Variants in SDK1 observed in about 807,000 individuals in gnomAD.
The protein encoded by SDK1 is sidekick cell adhesion molecule 1.
A neutral mutation model predicts 245.5 loss-of-function variants in SDK1; 157 were observed. The observed-to-expected ratio is 0.64, with a 90% confidence interval of 0.56 to 0.73. The LOEUF is 0.73. Among genes scored for constraint, SDK1 ranks in the 30% least tolerant of loss-of-function variants. The pLI is 0.00. For missense variants in SDK1, 3,583 were observed against 3,002.3 expected (o/e 1.19, Z -4.52); for synonymous variants, 1,647 against 1,278.5 (o/e 1.29, Z -6.15).
intron 5 of SDK1, among the ~76,000 whole-genome samples, chr7:3,891,165 G>T (rs1195131775): frequency 6.6e-6 from 1 of 152,164 alleles, no homozygotes; most frequent in Admixed American, 6.5e-5. Flanking sequence ...GAAAGAGGAT[G>T]GGGGAGGCCC....
At chr7:3,349,529 G>A (rs4722713) in intron 1 of SDK1, among the ~76,000 whole-genome samples, 58,377 of 152,004 alleles carry the variant, frequency 0.38, 11,449 homozygotes, top group African/African-American at 0.46. Flanking sequence ...GAGGGCAGAG[G>A]ACTAAGAAGC....
intron 44 of SDK1, among the ~76,000 whole-genome samples, chr7:4,256,889 C>A (rs1300679554): frequency 6.6e-6 from 1 of 152,218 alleles, no homozygotes; most frequent in Non-Finnish European, 1.5e-5. Flanking sequence ...AAACCACTCT[C>A]AGAACTATTG....
intron 4 of SDK1, among the ~76,000 whole-genome samples, chr7:3,664,609 G>A (rs753043921): frequency 2.6e-5 from 4 of 151,770 alleles, no homozygotes; most frequent in Non-Finnish European, 5.9e-5. Context: ...GCATGGTGGC[G>A]GGCATCTGTA....
chr7:3,425,849 C>T (rs944279850), intron 1 of SDK1, among the ~76,000 whole-genome samples: 1 of 152,180 alleles, frequency 6.6e-6, no homozygotes, highest in South Asian at 2.1e-4. Context: ...GAGACTTTCC[C>T]TCAGCAAGAT....
intron 5 of SDK1, among the ~76,000 whole-genome samples, chr7:3,896,395 C>T (rs982698336): frequency 2.6e-5 from 4 of 152,216 alleles, no homozygotes; most frequent in African/African-American, 7.2e-5. Flanking sequence ...ATGTTGCCTC[C>T]TCCTGTTATT....
intron 4 of SDK1, among the ~76,000 whole-genome samples, chr7:3,660,113 A>G (rs1490691855): frequency 2.0e-5 from 3 of 152,180 alleles, no homozygotes; most frequent in African/African-American, 4.8e-5. Context: ...ATTTGTATGT[A>G]GGTGATATTT....
intron 5 of SDK1, among the ~76,000 whole-genome samples, chr7:3,909,570 G>T (rs1779082970): frequency 6.6e-6 from 1 of 152,216 alleles, no homozygotes; most frequent in South Asian, 2.1e-4. Flanking sequence ...GACGGTGTTA[G>T]TGACCCCACC....
At chr7:3,326,507 G>C (rs576437836) in intron 1 of SDK1, among the ~76,000 whole-genome samples, 1 of 152,192 alleles carries the variant, frequency 6.6e-6, no homozygotes, top group African/African-American at 2.4e-5. Flanking sequence ...AATTCTGTTA[G>C]TTTAGGGTAA....
At chr7:3,960,278 C>T (rs1781578680) in intron 8 of SDK1, among the ~76,000 whole-genome samples, 1 of 152,190 alleles carries the variant, frequency 6.6e-6, no homozygotes, top group Non-Finnish European at 1.5e-5. Context: ...GTGGAAGTTA[C>T]TCATTAAATA....
At chr7:3,457,256 G>C (rs1016535162) in intron 1 of SDK1, among the ~76,000 whole-genome samples, 5 of 152,174 alleles carry the variant, frequency 3.3e-5, no homozygotes, top group African/African-American at 1.2e-4. Context: ...TCTTCCCTTA[G>C]GTGAGGTTCA....
chr7:3,903,505 C>A (rs893973286), intron 5 of SDK1, among the ~76,000 whole-genome samples: 1 of 151,984 alleles, frequency 6.6e-6, no homozygotes. Context: ...ACATTTTAAC[C>A]CTTATACATT....
chr7:3,541,582 CTTTATATATAACTA>C (rs1239794823), intron 1 of SDK1, among the ~76,000 whole-genome samples: 1 of 152,176 alleles, frequency 6.6e-6, no homozygotes, highest in Non-Finnish European at 1.5e-5. Flanking sequence ...ACCCATGAAA[CTTTATATATAACTA>C]TGGATATGGC....
chr7:3,571,680 G>A (rs1052208792), intron 1 of SDK1, among the ~76,000 whole-genome samples: 2 of 151,988 alleles, frequency 1.3e-5, no homozygotes, highest in African/African-American at 2.4e-5. Flanking sequence ...ATTACTATTT[G>A]ATCTAAAACC....
intron 1 of SDK1, among the ~76,000 whole-genome samples, chr7:3,387,940 A>C (rs1490080674): frequency 1.3e-5 from 2 of 152,192 alleles, no homozygotes; most frequent in Non-Finnish European, 2.9e-5. Flanking sequence ...GAAGTTACAT[A>C]ATTTGCTATT....
intron 4 of SDK1, among the ~76,000 whole-genome samples, chr7:3,742,137 CTTT>C (rs796198123): frequency 7.0e-6 from 1 of 143,790 alleles, no homozygotes; most frequent in African/African-American, 2.5e-5. Flanking sequence ...CTCTGTTCCT[CTTT>C]TTTTTTTTAC....
At chr7:3,857,452 G>A (rs1356646078) in intron 5 of SDK1, among the ~76,000 whole-genome samples, 1 of 152,162 alleles carries the variant, frequency 6.6e-6, no homozygotes, top group African/African-American at 2.4e-5. Flanking sequence ...GGAGGACATG[G>A]CAGGGGGATT....
At chr7:3,962,293 G>A (rs905567626) in intron 8 of SDK1, among the ~76,000 whole-genome samples, 112 of 152,322 alleles carry the variant, frequency 7.4e-4, no homozygotes, top group African/African-American at 2.5e-3. Context: ...AAGCCCTCCC[G>A]CGGTGGCTGA....
intron 7 of SDK1, among the ~76,000 whole-genome samples, chr7:3,957,091 C>T (rs1781329638): frequency 6.6e-6 from 1 of 152,204 alleles, no homozygotes; most frequent in Non-Finnish European, 1.5e-5. Context: ...AAAAGTTACA[C>T]TCGATGACCT....
In SDK1 at chr7:4,016,724, A is replaced by G. The variant is rs60180277; in HGVS notation, c.2421-447A>G. ...TGGGATACACTTGGACAAACCTGCA[A>G]TTCCTAAATGGAGCTCTGTCCCTGG... is the stretch of plus-strand genomic sequence containing the variant. On this transcript the variant is annotated intron_variant, in intron 16 of 44. Transcript: ENST00000404826. 4.8e-3 allele frequency among the ~76,000 whole-genome samples: 732 copies of G among 152,262 alleles called. 7 individuals are homozygous for G. Among genetic ancestry groups the G allele is most frequent in the African/African-American group, 0.017 (691 of 41,554 alleles).
Sources: allele counts gnomAD v4.1 joint callset (sites outside exome capture counted in the v4.1 genomes callset), GRCh38; gene constraint gnomAD v4.1.1; transcripts MANE v1.5; gene names NCBI Gene and HGNC (gene_info 2026-07-23, HGNC 2026-07-21).